The following IL1RAPL1 variants were observed in gnomAD, a reference collection of about 807,000 sequenced individuals.
The protein encoded by IL1RAPL1 is interleukin 1 receptor accessory protein like 1, also known as interleukin-1 receptor accessory protein-like 1.
A neutral mutation model predicts 48.4 loss-of-function variants in IL1RAPL1; 3 were observed. The ratio of observed to expected loss-of-function variants is 0.06; its 90% CI spans 0.03 to 0.16. The LOEUF (loss-of-function observed/expected upper bound fraction) is 0.16. Ranked by LOEUF, IL1RAPL1 falls within the 10% of genes least tolerant of loss-of-function variation. The probability of loss-of-function intolerance (pLI) is 1.00; values close to 1 mark genes in which losing one functional copy is unlikely to be tolerated. For missense variants in IL1RAPL1, 349 were observed against 530.6 expected, an observed-to-expected ratio of 0.66 and a Z score of 3.36; for synonymous variants, 185 against 187.7, an observed-to-expected ratio of 0.99 and a Z score of 0.12.
chrX:29,545,046 A>G (rs1225790504), intron 5 of IL1RAPL1, among the ~76,000 whole-genome samples: 1 of 110,249 alleles, frequency 9.1e-6, no homozygotes, highest in Non-Finnish European at 1.9e-5. Flanking sequence ...AGTCAAGGAG[A>G]GAGGCCTTAG....
intron 2 of IL1RAPL1, among the ~76,000 whole-genome samples, chrX:28,849,229 C>T (rs1386502219): frequency 9.0e-6 from 1 of 110,748 alleles, no homozygotes; most frequent in East Asian, 2.9e-4. Context: ...GTTCTGTTGG[C>T]TGAATGTGTT....
chrX:29,035,609 C>T (rs1465590483), intron 2 of IL1RAPL1, among the ~76,000 whole-genome samples: 1 of 110,233 alleles, frequency 9.1e-6, no homozygotes, highest in East Asian at 2.8e-4. Context: ...CCACTGCACT[C>T]CAGCTTGGGT....
At chrX:29,375,139 G>A (rs1325352337) in intron 3 of IL1RAPL1, among the ~76,000 whole-genome samples, 1 of 102,385 alleles carries the variant, frequency 9.8e-6, no homozygotes, top group East Asian at 2.9e-4. Context: ...ATGAGTCTCT[G>A]TGTTTCCATA....
At chrX:29,290,950 C>A in intron 3 of IL1RAPL1, among the ~76,000 whole-genome samples, 1 of 111,679 alleles carries the variant, frequency 9.0e-6, no homozygotes, top group Non-Finnish European at 1.9e-5. Flanking sequence ...GGTAGGACCA[C>A]CAAAGTAACA....
At chrX:29,319,160 G>GTCTGTCTGTCTATCTATCTA (rs370282992) in intron 3 of IL1RAPL1, among the ~76,000 whole-genome samples, 1 of 84,988 alleles carries the variant, frequency 1.2e-5, no homozygotes, top group African/African-American at 4.6e-5. Flanking sequence ...CTATCTGTCT[G>GTCTGTCTGTCTATCTATCTA]TCTATCTATC....
intron 1 of IL1RAPL1, among the ~76,000 whole-genome samples, chrX:28,658,801 A>G (rs197019): frequency 0.4 from 43,598 of 110,085 alleles, 6,536 homozygotes; most frequent in South Asian, 0.55. Flanking sequence ...TTAAAGTTGA[A>G]CCGCTGAAAC....
At chrX:29,128,135 T>C (rs971546473) in intron 2 of IL1RAPL1, among the ~76,000 whole-genome samples, 1 of 110,793 alleles carries the variant, frequency 9.0e-6, no homozygotes, top group Non-Finnish European at 1.9e-5. Flanking sequence ...TAACTATACA[T>C]TGAGGAAATT....
At chrX:28,649,153 T>G (rs1241382782) in intron 1 of IL1RAPL1, among the ~76,000 whole-genome samples, 1 of 112,205 alleles carries the variant, frequency 8.9e-6, no homozygotes. Flanking sequence ...ATTTATTTAT[T>G]TACTGGTTTT....
chrX:28,755,700 A>G (rs557198179), intron 1 of IL1RAPL1, among the ~76,000 whole-genome samples: 2 of 111,553 alleles, frequency 1.8e-5, no homozygotes, highest in Admixed American at 9.5e-5. Flanking sequence ...TGTATTATGT[A>G]CTCCTATTTC....
At chrX:29,598,300 G>A (rs1239346187) in intron 5 of IL1RAPL1, among the ~76,000 whole-genome samples, 1 of 112,214 alleles carries the variant, frequency 8.9e-6, no homozygotes, top group Non-Finnish European at 1.9e-5. Flanking sequence ...CCATTCAGAA[G>A]CAGCTTATTT....
At chrX:29,268,052 G>A (rs1394453049) in intron 2 of IL1RAPL1, among the ~76,000 whole-genome samples, 2 of 111,349 alleles carry the variant, frequency 1.8e-5, no homozygotes, top group Non-Finnish European at 3.8e-5. Context: ...TCAGCAGGTA[G>A]GGCCTGTGGG....
chrX:29,106,445 A>C (rs1284818548), intron 2 of IL1RAPL1, among the ~76,000 whole-genome samples: 7 of 111,291 alleles, frequency 6.3e-5, no homozygotes, highest in African/African-American at 2.3e-4. Flanking sequence ...CTAAAAAAAA[A>C]ATTATTTTTT....
intron 2 of IL1RAPL1, among the ~76,000 whole-genome samples, chrX:29,093,943 C>G (rs887840766): frequency 3.6e-5 from 4 of 111,988 alleles, no homozygotes; most frequent in African/African-American, 9.7e-5. Flanking sequence ...TCTCCTCAAC[C>G]CTTCTTGCCC....
chrX:29,290,289 A>G (rs916556643), intron 3 of IL1RAPL1, among the ~76,000 whole-genome samples: 4 of 111,765 alleles, frequency 3.6e-5, no homozygotes, highest in Non-Finnish European at 7.5e-5. Flanking sequence ...GTAACGGCAA[A>G]CAAGCATAAG....
chrX:29,051,029 A>G lies in IL1RAPL1; in HGVS notation c.83-231909A>G, dbSNP rs770280715. On this transcript the variant is annotated intron_variant, in intron 2 of 10. Transcript: ENST00000378993. ...AATAACACCATAGAAAAACATTCCAAAATTGTTTGGTAGTGGACTGTGTCT... is the reference window on the plus strand; with the variant it reads ...AATAACACCATAGAAAAACATTCCAGAATTGTTTGGTAGTGGACTGTGTCT... Among the ~76,000 whole-genome samples, 12 of 112,426 alleles carry G rather than the reference A, an allele frequency of 1.1e-4. No individual in the cohort carries two copies. The East Asian group carries it at 3.4e-3, about 31-fold the overall frequency.
chrX:29,385,568 A>T (rs780320339), intron 3 of IL1RAPL1, among the ~76,000 whole-genome samples: 1 of 112,823 alleles, frequency 8.9e-6, no homozygotes, highest in African/African-American at 3.2e-5. Flanking sequence ...GAATTTACTT[A>T]TCCTAGGGAC....
intron 1 of IL1RAPL1, among the ~76,000 whole-genome samples, chrX:28,752,423 C>A (rs1439519036): frequency 2.7e-5 from 3 of 112,035 alleles, no homozygotes; most frequent in African/African-American, 9.7e-5. Flanking sequence ...CCTGGAAAGG[C>A]TGGGAGAATA....
At chrX:29,169,413 T>G (rs1178309868) in intron 2 of IL1RAPL1, among the ~76,000 whole-genome samples, 1 of 110,858 alleles carries the variant, frequency 9.0e-6, no homozygotes, top group Non-Finnish European at 1.9e-5. Flanking sequence ...ATGATAATAT[T>G]ATGGCAGCTG....
intron 2 of IL1RAPL1, among the ~76,000 whole-genome samples, chrX:29,259,922 C>T (rs1157438423): frequency 9.0e-6 from 1 of 111,567 alleles, no homozygotes; most frequent in African/African-American, 3.3e-5. Context: ...GACTACCCCC[C>T]ACCATTATTA....
Sources: gnomAD v4.1 joint callset for allele counts (sites outside exome capture counted in the v4.1 genomes callset) on GRCh38, gnomAD v4.1.1 for gene constraint, MANE v1.5 for transcripts, NCBI Gene and HGNC (gene_info 2026-07-23, HGNC 2026-07-21) for gene names.